PTPRN2: variants seen among roughly 807,000 people sequenced by gnomAD.
The protein encoded by PTPRN2 is receptor-type tyrosine-protein phosphatase N2.
In PTPRN2, 74 loss-of-function variants were observed where a neutral mutation model predicts 118.8. The observed-to-expected ratio is 0.62, with a 90% CI of 0.52 to 0.76. The LOEUF (loss-of-function observed/expected upper bound fraction) is 0.76, where lower values mean the gene tolerates loss of function less well. Among genes scored for constraint, PTPRN2 ranks in the 30% least tolerant of loss-of-function variants. The pLI, the probability that PTPRN2 is intolerant of heterozygous loss-of-function variation, is 0.00. For missense variants in PTPRN2, 1,481 were observed against 1,394.4 expected (o/e 1.06, Z -0.99); for synonymous variants, 641 against 608.0 (o/e 1.05, Z -0.80).
At position 157,907,206 on chromosome 7, in the gene PTPRN2, C is replaced by T. The variant is rs181198944; in HGVS notation, c.1724-8469G>A. On this transcript the variant is annotated intron_variant, in intron 11 of 22. Transcript: ENST00000389418. ...GAGCAGTGTGGCCCGAGGGTGAGAA[C>T]GTGGGCTCGGAGAGGACCAGGCCAC... is the stretch of plus-strand genomic sequence containing the variant. Among the ~76,000 whole-genome samples, 55 of 152,318 alleles carry T rather than the reference C, an allele frequency of 3.6e-4. 1 individual carries two copies. Among genetic ancestry groups the T allele is most frequent in the South Asian group, 8.3e-4 (4 of 4,832 alleles).
At chr7:157,882,616 A>T (rs1308109631) in intron 12 of PTPRN2, among the ~76,000 whole-genome samples, 17 of 151,562 alleles carry the variant, frequency 1.1e-4, no homozygotes. Flanking sequence ...ACCACCGCAA[A>T]ATGACTGTCA....
rs1050975376 is a variant in PTPRN2 at position 157,627,550 on chromosome 7, C to G, written c.2197-6041G>C. Among the ~76,000 whole-genome samples the G allele has an allele frequency of 1.3e-5, 2 of 152,160 alleles. No homozygotes were observed. Among genetic ancestry groups the G allele is most frequent in the South Asian group, 4.1e-4 (2 of 4,822 alleles). On this transcript the variant is annotated intron_variant, in intron 14 of 22. Coordinates refer to ENST00000389418, the MANE Select transcript of PTPRN2 (RefSeq NM_002847.5). This position sits in a 1 kb window ranked among gnomAD's most constrained non-coding sequence, Gnocchi z 4.2. ...CTTTCGTCTTTTAGAGCTGCTTGCT[C>G]TATAATTTTGGGTTTTGAAGGGCTC...
chr7:158,263,018 A>G (rs896289733), intron 3 of PTPRN2, among the ~76,000 whole-genome samples: 4 of 146,204 alleles, frequency 2.7e-5, no homozygotes, highest in Admixed American at 6.7e-5. Flanking sequence ...ATTCACACAC[A>G]GTGCACACAT....
intron 3 of PTPRN2, among the ~76,000 whole-genome samples, chr7:158,255,816 G>A (rs1219026248): frequency 7.3e-6 from 1 of 137,044 alleles, no homozygotes; most frequent in Non-Finnish European, 1.5e-5. Flanking sequence ...GGGCCCTCCT[G>A]TCCCTGGGGC....
At chr7:158,114,379 C>T (rs1816554812) in intron 9 of PTPRN2, among the ~76,000 whole-genome samples, 1 of 152,168 alleles carries the variant, frequency 6.6e-6, no homozygotes, top group African/African-American at 2.4e-5. Context: ...CTTTGGGAAC[C>T]CCTTGGCCAA....
At chr7:157,712,196 GTCTGGGGTTGCTCAGA>G (rs1159090049) in intron 12 of PTPRN2, among the ~76,000 whole-genome samples, 1 of 152,156 alleles carries the variant, frequency 6.6e-6, no homozygotes, top group Non-Finnish European at 1.5e-5. Context: ...GGGAATGCGG[GTCTGGGGTTGCTCAGA>G]TCTTTGATTA....
intron 11 of PTPRN2, among the ~76,000 whole-genome samples, chr7:157,949,894 G>A (rs186847369): frequency 6.6e-6 from 1 of 152,112 alleles, no homozygotes; most frequent in Non-Finnish European, 1.5e-5. Flanking sequence ...GGCTCCTCAG[G>A]GTCTCCTCAA....
At chr7:158,572,242 T>C (rs773789789) in intron 1 of PTPRN2, among the ~76,000 whole-genome samples, 26 of 152,322 alleles carry the variant, frequency 1.7e-4, no homozygotes, top group Non-Finnish European at 3.5e-4. Flanking sequence ...ATCCTCTTCG[T>C]TCACAGTGAG....
At chr7:158,111,594 A>G (rs1816278187) in intron 9 of PTPRN2, among the ~76,000 whole-genome samples, 1 of 152,218 alleles carries the variant, frequency 6.6e-6, no homozygotes, top group Non-Finnish European at 1.5e-5. Flanking sequence ...AAGTTACAAT[A>G]TTATGTAAAA....
At chr7:157,991,175 G>A (rs1228440426) in intron 11 of PTPRN2, among the ~76,000 whole-genome samples, 1 of 152,168 alleles carries the variant, frequency 6.6e-6, no homozygotes, top group Admixed American at 6.5e-5. Flanking sequence ...GCAGCACAGG[G>A]CAACAGGCTG....
At chr7:158,458,309 C>T (rs1354065615) in intron 2 of PTPRN2, among the ~76,000 whole-genome samples, 6 of 152,246 alleles carry the variant, frequency 3.9e-5, no homozygotes, top group East Asian at 3.9e-4. Context: ...TGCAGTCCAT[C>T]GGGATGTCCA....
In PTPRN2 at chr7:158,565,113, G is replaced by A. The variant is rs1827593335; in HGVS notation, c.112+22445C>T. On this transcript the variant is annotated intron_variant, in intron 1 of 22. Coordinates refer to ENST00000389418, the MANE Select transcript of PTPRN2 (RefSeq NM_002847.5). This position sits in a 1 kb window ranked among gnomAD's most constrained non-coding sequence, Gnocchi z 4.6. ...AGGAAGGCAAGGATGAAACAAACAA[G>A]GCATGGAGGCTTCTGCTCTATAAAA... Among the ~76,000 whole-genome samples the A allele has an allele frequency of 6.6e-6, 1 of 152,202 alleles. No homozygotes were observed. Among genetic ancestry groups the A allele is most frequent in the Non-Finnish European group, 1.5e-5 (1 of 68,034 alleles).
chr7:158,478,588 C>T (rs1194971826), intron 2 of PTPRN2, among the ~76,000 whole-genome samples: 1 of 152,114 alleles, frequency 6.6e-6, no homozygotes, highest in African/African-American at 2.4e-5. Context: ...TCAACGCATC[C>T]CTGAGCTGGA....
chr7:157,933,001 T>A (rs1166153578), intron 11 of PTPRN2, among the ~76,000 whole-genome samples: 3 of 142,898 alleles, frequency 2.1e-5, no homozygotes, highest in South Asian at 2.3e-4. Context: ...TGACTGACAG[T>A]TTTAGAGGAG....
chr7:158,394,612 C>T (rs1812191908), intron 2 of PTPRN2, among the ~76,000 whole-genome samples: 1 of 152,190 alleles, frequency 6.6e-6, no homozygotes, highest in African/African-American at 2.4e-5. Flanking sequence ...TCCCCCCAGG[C>T]GCAGAAAGTG....
chr7:158,506,815 G>A (rs1353284067), intron 1 of PTPRN2, among the ~76,000 whole-genome samples: 1 of 151,508 alleles, frequency 6.6e-6, no homozygotes, highest in African/African-American at 2.4e-5. Context: ...CCGCCCCTCC[G>A]CCATCGCCAT....
At chr7:157,544,877 CGTGTGTGG>C (rs964808200) in intron 22 of PTPRN2, among the ~76,000 whole-genome samples, 2 of 150,762 alleles carry the variant, frequency 1.3e-5, no homozygotes, top group African/African-American at 4.9e-5. Flanking sequence ...GGATGTGCAT[CGTGTGTGG>C]GTGTGTAGGT....
chr7:157,850,222 G>A (rs138389563), intron 12 of PTPRN2, among the ~76,000 whole-genome samples: 2 of 152,258 alleles, frequency 1.3e-5, no homozygotes, highest in East Asian at 1.9e-4. Context: ...CCAAATTTCC[G>A]AAGTGCGGAG....
chr7:157,727,807 C>T (rs982859799), intron 12 of PTPRN2, among the ~76,000 whole-genome samples: 15 of 152,216 alleles, frequency 9.9e-5, no homozygotes, highest in African/African-American at 2.9e-4. Flanking sequence ...CAGACCCCCG[C>T]GACCAGCTCT....
Sources: allele counts gnomAD v4.1 joint callset (sites outside exome capture counted in the v4.1 genomes callset), GRCh38; gene constraint gnomAD v4.1.1; non-coding constraint Gnocchi (gnomAD v3.1); transcripts MANE v1.5; gene names NCBI Gene and HGNC (gene_info 2026-07-23, HGNC 2026-07-21).